SH3PXD2A: variants seen among roughly 807,000 people sequenced by gnomAD.
The protein encoded by SH3PXD2A is SH3 and PX domains 2A, also known as SH3 and PX domain-containing protein 2A.
A neutral mutation model predicts 115.2 loss-of-function variants in SH3PXD2A; 32 were observed. The ratio of observed to expected loss-of-function variants is 0.28; its 90% CI spans 0.21 to 0.37. SH3PXD2A has a LOEUF of 0.37. SH3PXD2A is among the 10% of genes least tolerant of loss of function. The pLI, the probability that SH3PXD2A is intolerant of heterozygous loss-of-function variation, is 1.00. For synonymous variants in SH3PXD2A, 610 were observed against 629.1 expected, an observed-to-expected ratio of 0.97 and a Z score of 0.45; for missense variants, 1,328 against 1,498.7, an observed-to-expected ratio of 0.89 and a Z score of 1.88.
At chr10:103,833,352 C>T (rs1470940700) in intron 1 of SH3PXD2A, among the ~76,000 whole-genome samples, 1 of 152,152 alleles carries the variant, frequency 6.6e-6, no homozygotes, top group Admixed American at 6.5e-5. Context: ...TATAGGACAA[C>T]AGATTAAATG....
intron 3 of SH3PXD2A, among the ~76,000 whole-genome samples, chr10:103,752,388 A>T (rs2134206514): frequency 6.6e-6 from 1 of 152,354 alleles, no homozygotes; most frequent in South Asian, 2.1e-4. Context: ...ACTATGAGAA[A>T]ACCTAGACAG....
chr10:103,781,226 A>G (rs1359176320), intron 2 of SH3PXD2A, among the ~76,000 whole-genome samples: 1 of 152,220 alleles, frequency 6.6e-6, no homozygotes, highest in Non-Finnish European at 1.5e-5. Flanking sequence ...TGACTAGAAT[A>G]CATTTCCCAG....
chr10:103,697,909 C>G (rs2037843931), intron 5 of SH3PXD2A, among the ~76,000 whole-genome samples: 1 of 152,082 alleles, frequency 6.6e-6, no homozygotes, highest in South Asian at 2.1e-4. Flanking sequence ...TTGAAAACTC[C>G]CAGGATTTAT....
chr10:103,627,247 G>A lies in SH3PXD2A; in HGVS notation c.605-45C>T, dbSNP rs373897044. ...GAACAGGACTGTGAGATTCTGCAGG[G>A]TGGCAGGGGTGGCTCGGGGGCCAGG... On this transcript the variant is annotated intron_variant, in intron 8 of 14. Transcript: ENST00000369774. This position sits in a 1 kb window ranked among gnomAD's most constrained non-coding sequence, Gnocchi z 4.4. 2.2e-5 allele frequency: 25 copies of A among 1,157,674 alleles called. No homozygotes were observed. The highest frequency in any genetic ancestry group is 3.1e-5 in the Non-Finnish European group (24 of 769,568). 71.7% of individuals were successfully genotyped at this position (1,157,674 alleles called of 1,614,324 possible).
intron 7 of SH3PXD2A, among the ~76,000 whole-genome samples, chr10:103,664,049 G>A (rs1340139004): frequency 6.6e-6 from 1 of 152,236 alleles, no homozygotes; most frequent in African/African-American, 2.4e-5. Context: ...CAGAGGCAGC[G>A]CCGGGTGCTG....
At chr10:103,700,959 TCCATCCATCCA>T (rs1292120705) in intron 5 of SH3PXD2A, among the ~76,000 whole-genome samples, 2 of 150,232 alleles carry the variant, frequency 1.3e-5, no homozygotes, top group Admixed American at 1.3e-4. Flanking sequence ...CATCCATCCA[TCCATCCATCCA>T]CCATCCATCC....
chr10:103,602,165 AAGG>A lies in SH3PXD2A; in HGVS notation c.3050_3052del (p.Ser1017del). On this transcript the variant is annotated inframe_deletion, in exon 15 of 15. Coordinates refer to ENST00000369774, the MANE Select transcript of SH3PXD2A (RefSeq NM_001394015.1). ...GGCGGCAGCGGAGCGAGCAGTGCTA[AAGG>A]AGGAGTTCCGTCGGACGCCTCGGAG... 1 of 1,576,778 alleles carries A rather than the reference AAGG, an allele frequency of 6.3e-7. No homozygotes were observed. Among genetic ancestry groups the A allele is most frequent in the Non-Finnish European group, 8.6e-7 (1 of 1,160,060 alleles).
intron 14 of SH3PXD2A, among the ~76,000 whole-genome samples, chr10:103,605,545 C>T (rs772263405): frequency 6.6e-6 from 1 of 152,220 alleles, no homozygotes; most frequent in African/African-American, 2.4e-5. Flanking sequence ...CTGTCACAAG[C>T]TCCTGCACAT....
intron 2 of SH3PXD2A, among the ~76,000 whole-genome samples, chr10:103,796,048 G>A (rs2039085068): frequency 6.6e-6 from 1 of 151,982 alleles, no homozygotes; most frequent in Non-Finnish European, 1.5e-5. Flanking sequence ...TGTCACCCTA[G>A]GCTGCTGTCA....
intron 8 of SH3PXD2A, among the ~76,000 whole-genome samples, chr10:103,660,376 C>T (rs991484703): frequency 2.6e-5 from 4 of 152,180 alleles, no homozygotes; most frequent in African/African-American, 7.2e-5. Context: ...TCAGTACGGC[C>T]CCTGTCAGTG....
intron 8 of SH3PXD2A, among the ~76,000 whole-genome samples, chr10:103,656,826 C>G (rs939011407): frequency 2.5e-5 from 2 of 80,146 alleles, no homozygotes; most frequent in Non-Finnish European, 4.4e-5. Context: ...GAAACTCCAT[C>G]TCAAAAAAAA....
chr10:103,708,727 A>T (rs1441039910), intron 5 of SH3PXD2A, among the ~76,000 whole-genome samples: 1 of 152,194 alleles, frequency 6.6e-6, no homozygotes, highest in East Asian at 1.9e-4. Flanking sequence ...GGGAAATTCC[A>T]AACCAAGATG....
intron 8 of SH3PXD2A, among the ~76,000 whole-genome samples, chr10:103,650,043 T>C (rs1229716748): frequency 6.6e-6 from 1 of 152,138 alleles, no homozygotes; most frequent in Non-Finnish European, 1.5e-5. Flanking sequence ...GCTGATCTTG[T>C]GGGGAGAGGA....
At chr10:103,851,190 G>A (rs1401270886) in intron 1 of SH3PXD2A, among the ~76,000 whole-genome samples, 3 of 151,900 alleles carry the variant, frequency 2.0e-5, no homozygotes, top group African/African-American at 4.8e-5. Flanking sequence ...AATGAGTTTG[G>A]GGCCAATTCC....
At chr10:103,628,354 C>G (rs2036729068) in intron 8 of SH3PXD2A, among the ~76,000 whole-genome samples, 1 of 152,194 alleles carries the variant, frequency 6.6e-6, no homozygotes, top group Non-Finnish European at 1.5e-5. Context: ...GTCTCCTACC[C>G]TTTCTGGGGA....
intron 5 of SH3PXD2A, among the ~76,000 whole-genome samples, chr10:103,702,552 A>G (rs1384787973): frequency 6.8e-6 from 1 of 147,788 alleles, no homozygotes; most frequent in Non-Finnish European, 1.5e-5. Context: ...GGATGGTGTG[A>G]GCAACGGTGC....
rs770519104 is a variant in SH3PXD2A, at chr10:103,598,150, G to A, written c.*3666C>T. The A allele has an allele frequency of 2.0e-5, 3 of 152,696 alleles. No homozygotes were observed. Among genetic ancestry groups the A allele is most frequent in the South Asian group, 2.1e-4 (1 of 4,834 alleles). The allele number at this position is 152,696 out of a possible 1,614,324, so 9.5% of individuals were successfully genotyped here. A position where few individuals can be genotyped will look rare whatever the true frequency, so the allele number is the denominator to read the frequency against. ...TGCCTTCGTCAAGATGGAAAATCAA[G>A]GAGGAAGAAAGAGAAACCTTTGGGG... is the stretch of plus-strand genomic sequence containing the variant. On this transcript the variant is annotated 3_prime_UTR_variant, in exon 15 of 15. Coordinates refer to ENST00000369774, the MANE Select transcript of SH3PXD2A (RefSeq NM_001394015.1).
chr10:103,723,437 T>C (rs1281467126), intron 5 of SH3PXD2A, among the ~76,000 whole-genome samples: 3 of 152,156 alleles, frequency 2.0e-5, no homozygotes. Context: ...AGCAGAATGC[T>C]CTGAGCAAGA....
chr10:103,812,794 CA>C (rs34697005), intron 1 of SH3PXD2A, among the ~76,000 whole-genome samples: 1 of 152,228 alleles, frequency 6.6e-6, no homozygotes, highest in African/African-American at 2.4e-5. Flanking sequence ...ACTTTTGACA[CA>C]AGGCAAATAG....
Sources: gnomAD v4.1 joint callset for allele counts (sites outside exome capture counted in the v4.1 genomes callset) on GRCh38, gnomAD v4.1.1 for gene constraint, Gnocchi (gnomAD v3.1) non-coding constraint, MANE v1.5 for transcripts, NCBI Gene and HGNC (gene_info 2026-07-23, HGNC 2026-07-21) for gene names.